Variants in IQGAP2 observed in about 807,000 individuals in gnomAD.
IQGAP2 encodes the protein IQ motif containing GTPase activating protein 2.
Under a neutral mutation model 201.3 loss-of-function variants are expected in IQGAP2, and 173 were observed. The ratio of observed to expected loss-of-function variants is 0.86; its 90% confidence interval spans 0.76 to 0.98. IQGAP2 has a LOEUF of 0.98. IQGAP2 is among the 50% of genes least tolerant of loss of function. IQGAP2 has a pLI of 0.00. For missense variants in IQGAP2, 1,687 were observed against 1,864.8 expected, an observed-to-expected ratio of 0.90 and a Z score of 1.76; for synonymous variants, 675 against 673.9, an observed-to-expected ratio of 1.00 and a Z score of -0.03.
chr5:76,689,230 TA>T (rs11424254), intron 30 of IQGAP2, among the ~76,000 whole-genome samples: 77 of 86,490 alleles, frequency 8.9e-4, no homozygotes, highest in African/African-American at 3.2e-3. Context: ...CAGGGATATT[TA>T]AAAAAAAAAA....
intron 2 of IQGAP2, among the ~76,000 whole-genome samples, chr5:76,511,891 A>T (rs4543246): frequency 6.9e-6 from 1 of 145,842 alleles, no homozygotes; most frequent in African/African-American, 2.5e-5. Context: ...CGTTTTAGCC[A>T]GGATGGTCTC....
chr5:76,697,706 C>T (rs1273463488), intron 32 of IQGAP2, among the ~76,000 whole-genome samples: 3 of 152,132 alleles, frequency 2.0e-5, no homozygotes, highest in Non-Finnish European at 4.4e-5. Context: ...TTTCCTTAAA[C>T]TAAATGTGTG....
chr5:76,411,702 C>A (rs529685618), intron 1 of IQGAP2, among the ~76,000 whole-genome samples: 1 of 152,298 alleles, frequency 6.6e-6, no homozygotes, highest in Admixed American at 6.5e-5. Context: ...GACATCCTAG[C>A]CTCCAGAACT....
chr5:76,680,794 T>TA (rs755958579), intron 28 of IQGAP2, among the ~76,000 whole-genome samples: 2,045 of 115,498 alleles, frequency 0.018, 47 homozygotes, highest in African/African-American at 0.049. Flanking sequence ...TTGTCTCATT[T>TA]AAAAAAAAAA....
At chr5:76,567,938 A>G (rs1208235895) in intron 3 of IQGAP2, among the ~76,000 whole-genome samples, 1 of 152,208 alleles carries the variant, frequency 6.6e-6, no homozygotes, top group Non-Finnish European at 1.5e-5. Flanking sequence ...AGGTGTATGG[A>G]TAACAGCAAC....
Position 76,491,084 on chromosome 5 carries a change from A to G in IQGAP2, c.146+29415A>G, listed in dbSNP as rs1756509611. 2.7e-5 allele frequency among the ~76,000 whole-genome samples: 4 copies of G among 150,082 alleles called. No homozygotes were observed. In the South Asian group the frequency reaches 8.4e-4, roughly 31 times the overall value. On this transcript the variant is annotated intron_variant, in intron 2 of 35. Transcript: ENST00000274364. ...CATAGTAATAAATGTGTCATAATTGACATGTGCTTTAAAATGCTCTCACTT... is the reference window on the plus strand; with the variant it reads ...CATAGTAATAAATGTGTCATAATTGGCATGTGCTTTAAAATGCTCTCACTT...
At position 76,677,240 on chromosome 5, in the gene IQGAP2, A is replaced by G. The variant is rs1478059559; in HGVS notation, c.3550A>G (p.Asn1184Asp). 1 of 1,613,346 alleles carries G rather than the reference A, an allele frequency of 6.2e-7. No individual in the cohort carries two copies. Residue 1184 changes from asparagine (N) to aspartate (D), a missense_variant, in exon 28 of 36, where the codon AAT becomes GAT. By Grantham distance (23) the Asn-to-Asp change is conservative. Coordinates refer to ENST00000274364, the MANE Select transcript of IQGAP2 (RefSeq NM_006633.5). ...TAGGAAATATTTCAAAGAAGCATGT[A>G]ATGTCCCTGAGCCAGAAGAGAAGTT... Reference protein sequence around the residue: ...EFRKYFKEACNVPEPEEKFNM... With the variant: ...EFRKYFKEACDVPEPEEKFNM...
intron 20 of IQGAP2, among the ~76,000 whole-genome samples, chr5:76,655,910 C>T (rs528807540): frequency 1.3e-5 from 2 of 152,138 alleles, no homozygotes; most frequent in African/African-American, 2.4e-5. Flanking sequence ...CTAATTATCA[C>T]GGGAACATGC....
At chr5:76,530,238 C>T (rs976829442) in intron 2 of IQGAP2, among the ~76,000 whole-genome samples, 9 of 152,100 alleles carry the variant, frequency 5.9e-5, no homozygotes, top group Admixed American at 3.3e-4. Context: ...TTTTTAAAAA[C>T]TTTCCAGCCA....
At chr5:76,676,077 TCACA>T (rs34099080) in intron 27 of IQGAP2, among the ~76,000 whole-genome samples, 2,920 of 135,502 alleles carry the variant, frequency 0.022, 42 homozygotes, top group African/African-American at 0.049. Flanking sequence ...TAAGACTCTG[TCACA>T]CACACACACA....
intron 11 of IQGAP2, among the ~76,000 whole-genome samples, chr5:76,605,203 T>C (rs952906945): frequency 5.3e-5 from 8 of 152,330 alleles, no homozygotes; most frequent in African/African-American, 1.4e-4. Context: ...AAGTAAAAGT[T>C]TCTTAATATA....
At chr5:76,527,929 T>A (rs1479930087) in intron 2 of IQGAP2, among the ~76,000 whole-genome samples, 2 of 152,190 alleles carry the variant, frequency 1.3e-5, no homozygotes, top group South Asian at 2.1e-4. Context: ...ATCTAATCAG[T>A]CCAATCAGAA....
chr5:76,544,532 G>A (rs1409352438), intron 2 of IQGAP2, among the ~76,000 whole-genome samples: 1 of 152,202 alleles, frequency 6.6e-6, no homozygotes, highest in African/African-American at 2.4e-5. Context: ...TGGTTGTGCT[G>A]GGTGGAGATG....
chr5:76,450,371 G>A (rs995970829), intron 1 of IQGAP2, among the ~76,000 whole-genome samples: 54 of 151,950 alleles, frequency 3.6e-4, no homozygotes, highest in Admixed American at 1.1e-3. Flanking sequence ...AATATAATAG[G>A]GTACCTCCAA....
chr5:76,680,348 A>G (rs1278962995), intron 28 of IQGAP2, among the ~76,000 whole-genome samples: 2 of 152,200 alleles, frequency 1.3e-5, no homozygotes, highest in Non-Finnish European at 2.9e-5. Context: ...AATGGGTGGT[A>G]GACATAGATG....
intron 2 of IQGAP2, among the ~76,000 whole-genome samples, chr5:76,500,552 T>C (rs547460829): frequency 1.8e-4 from 27 of 152,358 alleles, no homozygotes; most frequent in African/African-American, 6.0e-4. Flanking sequence ...GGAACATATA[T>C]GTATGAATTA....
At chr5:76,654,119 C>T (rs947251513) in intron 18 of IQGAP2, 81 bp from the exon 19 acceptor site, 21 of 900,540 alleles carry the variant, frequency 2.3e-5, no homozygotes, top group African/African-American at 1.5e-4. Context: ...TACACAAAAC[C>T]GTATTACGGG....
chr5:76,594,976 T>TAAA (rs769560018), intron 9 of IQGAP2, among the ~76,000 whole-genome samples: 2 of 149,212 alleles, frequency 1.3e-5, no homozygotes, highest in Non-Finnish European at 3.0e-5. Context: ...AAAAAAAATT[T>TAAA]AAAAAAAAAA....
At chr5:76,572,197 CT>C (rs1745160068) in intron 4 of IQGAP2, among the ~76,000 whole-genome samples, 1 of 151,214 alleles carries the variant, frequency 6.6e-6, no homozygotes, top group African/African-American at 2.4e-5. Flanking sequence ...CTATGTGTTG[CT>C]TAGTATGTAC....
Sources: allele counts gnomAD v4.1 joint callset (sites outside exome capture counted in the v4.1 genomes callset), GRCh38; gene constraint gnomAD v4.1.1; transcripts MANE v1.5; gene names NCBI Gene and HGNC (gene_info 2026-07-23, HGNC 2026-07-21).